Variants in SIPA1 observed in about 807,000 individuals in gnomAD.
SIPA1 encodes signal-induced proliferation-associated protein 1.
In SIPA1, 51 loss-of-function variants were observed where a neutral mutation model predicts 88.1. The observed-to-expected ratio is 0.58, with a 90% CI of 0.46 to 0.73. The LOEUF (loss-of-function observed/expected upper bound fraction) is 0.73. Among genes scored for constraint, SIPA1 ranks in the 30% least tolerant of loss-of-function variants. The pLI is 0.00. For missense variants in SIPA1, 1,348 were observed against 1,467.6 expected (o/e 0.92, Z 1.33); for synonymous variants, 681 against 664.8 (o/e 1.02, Z -0.37).
rs201432620 is a variant in SIPA1, at chr11:65,650,242, C to G, written c.2903+50C>G. On this transcript the variant is annotated intron_variant, in intron 14 of 15. Transcript: ENST00000534313. ...CGCTTTACCTGCCCACATGACCCCC[C>G]CTTCGTGCCTGTCTGCTGGGGTGGA... 409 of 1,591,824 alleles carry G rather than the reference C, an allele frequency of 2.6e-4. 4 individuals carry two copies. Among genetic ancestry groups the G allele is most frequent in the South Asian group, 2.5e-3 (229 of 90,426 alleles).
intron 1 of SIPA1, among the ~76,000 whole-genome samples, chr11:65,638,965 AGGCCC>A (rs1219718360): frequency 6.6e-6 from 1 of 152,220 alleles, no homozygotes; most frequent in Non-Finnish European, 1.5e-5. Context: ...ACTATAGCCC[AGGCCC>A]GAGCGCTGAA....
At position 65,646,283 on chromosome 11, in the gene SIPA1, C is replaced by G; in HGVS notation, c.1326C>G (p.Ser442Arg). 1 of 1,614,128 alleles carries G rather than the reference C, an allele frequency of 6.2e-7. No homozygotes were observed. The highest frequency in any genetic ancestry group is 8.5e-7 in the Non-Finnish European group (1 of 1,180,002). ...CCATCGTGTTCCAGGAGCCTGGCAGCAAGCCCTTCTGCCCCACCACCATCC... is the reference window on the plus strand; with the variant it reads ...CCATCGTGTTCCAGGAGCCTGGCAGGAAGCCCTTCTGCCCCACCACCATCC... ...IVTIVFQEPG[S>R]KPFCPTTIRS... Residue 442 changes from serine to arginine, a missense_variant, in exon 7 of 16, where the codon AGC (serine) becomes AGG (arginine). Transcript: ENST00000534313. The surrounding 1 kb of genome is among the most constrained non-coding windows in gnomAD (Gnocchi z 7.5).
chr11:65,645,867 C>A lies in SIPA1; in HGVS notation c.1173C>A (p.Gly391=). 6.2e-7 allele frequency: 1 copy of A among 1,610,510 alleles called. No homozygotes were observed. Residue 391 remains glycine, a synonymous_variant, in exon 6 of 16, where the codon GGC becomes GGA. Coordinates refer to ENST00000534313, the MANE Select transcript of SIPA1 (RefSeq NM_006747.4). ...AQLDTKTDST[G]THSLYTTYQD... Reference sequence around the variant, plus strand: ...TCCTGGCCACAGCGGATTCCACAGGCACGCACTCCCTCTACACCACATACC... The same window carrying A: ...TCCTGGCCACAGCGGATTCCACAGGAACGCACTCCCTCTACACCACATACC...
At chr11:65,643,318 C>T (rs761039851) in intron 4 of SIPA1, among the ~76,000 whole-genome samples, 1 of 152,260 alleles carries the variant, frequency 6.6e-6, no homozygotes, top group African/African-American at 2.4e-5. Context: ...ATTTCCCCCA[C>T]AGCCCCTGCT....
chr11:65,647,688 G>T, intron 9 of SIPA1, 30 bp downstream of exon 9: 1 of 1,321,012 alleles, frequency 7.6e-7, no homozygotes, highest in Non-Finnish European at 9.6e-7. Flanking sequence ...GGGGAGGTGG[G>T]AGGGCCGGCA....
chr11:65,640,208 GT>G (rs1452461810), intron 1 of SIPA1: 3 of 152,390 alleles, frequency 2.0e-5, no homozygotes, highest in African/African-American at 7.2e-5. Context: ...TGGGCCCACA[GT>G]TGGGGCTACT....
Position 65,647,406 on chromosome 11 carries a change from C to T in SIPA1, c.2054C>T (p.Thr685Ile). Residue 685 changes from threonine (T) to isoleucine (I), a missense_variant, in exon 9 of 16, where the codon ACC becomes ATC. Thr to Ile is a moderately conservative substitution (Grantham distance 89). Coordinates refer to ENST00000534313, the MANE Select transcript of SIPA1 (RefSeq NM_006747.4). Reference protein sequence around the residue: ...RLQLVSRGCETRELALPRDGQ... With the variant: ...RLQLVSRGCEIRELALPRDGQ... The stretch of plus-strand genomic sequence containing the variant: ...CAGCTGGTGAGCCGTGGCTGCGAGA[C>T]CCGCGAGCTGGCGCTGCCCCGCGAC... 1 of 1,463,854 alleles carries T rather than the reference C, an allele frequency of 6.8e-7. No individual in the cohort carries two copies. The highest frequency in any genetic ancestry group is 1.3e-5 in the South Asian group (1 of 77,784). 90.7% of individuals were successfully genotyped at this position (1,463,854 alleles called of 1,614,324 possible).
rs1249666552 is a variant in SIPA1 at position 65,641,307 on chromosome 11, C to T, written c.386C>T (p.Ala129Val). The T allele has an allele frequency of 6.2e-7, 1 of 1,613,652 alleles. No individual in the cohort carries two copies. Among genetic ancestry groups the T allele is most frequent in the South Asian group, 1.1e-5 (1 of 91,084 alleles). ...GTGCAAAGCCTGCTCTTTGATTGGG[C>T]TCCGAGGTCTCAGGGGATGGGGAGC... Reference protein sequence around the residue: ...YDVQSLLFDWAPRSQGMGSHS... With the variant: ...YDVQSLLFDWVPRSQGMGSHS... The change falls in exon 2 of 16, where the codon GCT (alanine) becomes GTT (valine). Residue 129 changes from alanine (A) to valine (V), a missense_variant. Physicochemically the swap from Ala to Val is moderately conservative, Grantham distance 64. Coordinates refer to ENST00000534313, the MANE Select transcript of SIPA1 (RefSeq NM_006747.4).
Position 65,650,621 on chromosome 11 carries a change from A to ACAAC in SIPA1, c.3037_3040dup (p.Arg1014GlnfsTer9). 1 of 1,578,874 alleles carries ACAAC rather than the reference A, an allele frequency of 6.3e-7. No homozygotes were observed. Among genetic ancestry groups the ACAAC allele is most frequent in the Non-Finnish European group, 8.6e-7 (1 of 1,162,140 alleles). On this transcript the variant is annotated frameshift_variant, in exon 16 of 16. Coordinates refer to ENST00000534313, the MANE Select transcript of SIPA1 (RefSeq NM_006747.4). LOFTEE classifies it high-confidence loss of function. ...GAGGAGGTGCGGAGCCTGAGACACA[A>ACAAC]CAACCGGCGGCTGCAGGCGGAGTCT...
intron 2 of SIPA1, 69 bp downstream of exon 2, chr11:65,641,669 A>G: frequency 7.4e-7 from 1 of 1,349,014 alleles, no homozygotes; most frequent in Non-Finnish European, 1.0e-6. Flanking sequence ...CCTGCAGTGC[A>G]CACAGTAGGG....
chr11:65,642,139 C>T lies in SIPA1; in HGVS notation c.680-111C>T. On this transcript the variant is annotated intron_variant, in intron 2 of 15. Transcript: ENST00000534313. This position sits in a 1 kb window ranked among gnomAD's most constrained non-coding sequence, Gnocchi z 6.5. ...GGGGCGGGACTTAGTCTAGGGTCAA[C>T]ATTTGGTGGTGAGATGAAGCCTAGG... is the stretch of plus-strand genomic sequence containing the variant. 1.4e-6 allele frequency: 2 copies of T among 1,415,550 alleles called. No homozygotes were observed. The highest frequency in any genetic ancestry group is 1.9e-6 in the Non-Finnish European group (2 of 1,049,008). 87.7% of individuals were successfully genotyped at this position (1,415,550 alleles called of 1,614,324 possible). A position where few individuals can be genotyped will look rare whatever the true frequency, so the allele number is the denominator to read the frequency against.
Position 65,649,341 on chromosome 11 carries a change from C to G in SIPA1, c.2386C>G (p.Gln796Glu). ...CCCAGATCCTGTGCAGGATGAGGTC[C>G]AGGGGGTGACCCTGCTGCCCACCAC... ...GAPDPVQDEV[Q>E]GVTLLPTTKQ... The change falls in exon 10 of 16, where the codon CAG becomes GAG. Residue 796 changes from glutamine (Q) to glutamate (E), a missense_variant. Physicochemically the swap from Gln to Glu is conservative, Grantham distance 29. Around this residue, in one of 4 missense-constraint regions of SIPA1, gnomAD observed 615 missense variants for 559.8 expected, o/e 1.10. Transcript: ENST00000534313. 6.4e-7 allele frequency: 1 copy of G among 1,561,282 alleles called. No homozygotes were observed. The highest frequency in any genetic ancestry group is 1.2e-5 in the South Asian group (1 of 85,108).
At chr11:65,650,503 G>GA in intron 15 of SIPA1, 24 bp downstream of exon 15, 1 of 1,613,896 alleles carries the variant, frequency 6.2e-7, no homozygotes, top group East Asian at 2.2e-5. Flanking sequence ...TGAGCTTGGG[G>GA]GGAGTCACAG....
In SIPA1 at chr11:65,641,110, C is replaced by G. The variant is rs1165257102; in HGVS notation, c.189C>G (p.Pro63=). 1.9e-6 allele frequency: 3 copies of G among 1,601,070 alleles called. No individual in the cohort carries two copies. The highest frequency in any genetic ancestry group is 1.1e-5 in the South Asian group (1 of 90,918). Residue 63 remains proline (P), a synonymous_variant, in exon 2 of 16, where the codon CCC becomes CCG. Transcript: ENST00000534313. ...SGSDAGEARP[P]TPASPRARAH... ...GCGATGCAGGCGAGGCCAGGCCCCC[C>G]ACGCCAGCCAGCCCCCGTGCCCGTG...
chr11:65,640,950 G>T lies in SIPA1; in HGVS notation c.29G>T (p.Ser10Ile). Residue 10 changes from serine (S) to isoleucine (I), a missense_variant, in exon 2 of 16, where the codon AGC becomes ATC. Transcript: ENST00000534313. ...CCCATGTGGGCCGGCGGTGTGGGGA[G>T]CCCTCGGCGGGGCATGGCCCCTGCG... Reference protein sequence around the residue: MPMWAGGVGSPRRGMAPAST... With the variant: MPMWAGGVGIPRRGMAPAST... 6.5e-7 allele frequency: 1 copy of T among 1,543,790 alleles called. No individual in the cohort carries two copies. Among genetic ancestry groups the T allele is most frequent in the Non-Finnish European group, 8.7e-7 (1 of 1,153,884 alleles).
chr11:65,642,383 C>T lies in SIPA1; in HGVS notation c.807+6C>T. 1.3e-6 allele frequency: 2 copies of T among 1,584,674 alleles called. No homozygotes were observed. The highest frequency in any genetic ancestry group is 1.7e-6 in the Non-Finnish European group (2 of 1,164,196). On this transcript the variant is annotated splice_donor_region_variant and intron_variant, in intron 3 of 15. Transcript: ENST00000534313. The surrounding 1 kb of genome is among the most constrained non-coding windows in gnomAD (Gnocchi z 6.5). ...TCATCGTGCGGACCACGCAGGTGGG[C>T]CGGGATCGCGGGATCAGGACGTGGG...
chr11:65,646,116 G>T lies in SIPA1; in HGVS notation c.1264-105G>T, dbSNP rs554721834. On this transcript the variant is annotated intron_variant, in intron 6 of 15. Transcript: ENST00000534313. The surrounding 1 kb of genome is among the most constrained non-coding windows in gnomAD (Gnocchi z 7.5). ...ACAGAAACACCCTAGGTCTTCACCA[G>T]GGGCAGTGGGGGAGCCATTGGTGCC... 7.1e-7 allele frequency: 1 copy of T among 1,409,628 alleles called. No homozygotes were observed. Among genetic ancestry groups the T allele is most frequent in the Non-Finnish European group, 9.8e-7 (1 of 1,016,760 alleles). The allele number at this position is 1,409,628 out of a possible 1,614,324, so 87.3% of individuals were successfully genotyped here. A position where few individuals can be genotyped will look rare whatever the true frequency, so the allele number is the denominator to read the frequency against.
rs1436202578 is a variant in SIPA1 at position 65,641,427 on chromosome 11, T to A, written c.506T>A (p.Leu169His). 6.2e-7 allele frequency: 1 copy of A among 1,612,624 alleles called. No individual in the cohort carries two copies. Among genetic ancestry groups the A allele is most frequent in the Non-Finnish European group, 8.5e-7 (1 of 1,179,928 alleles). Residue 169 changes from leucine to histidine, a missense_variant, in exon 2 of 16, where the codon CTC becomes CAC. Physicochemically the swap from Leu to His is moderately conservative, Grantham distance 99. Transcript: ENST00000534313. ...GGGGCACCTGGCTTTGTGTGTGAGCTCGGGGGTGAGGGTGAGCTAGGCCTG... is the reference window on the plus strand; with the variant it reads ...GGGGCACCTGGCTTTGTGTGTGAGCACGGGGGTGAGGGTGAGCTAGGCCTG... Reference protein sequence around the residue: ...LHGAPGFVCELGGEGELGLGG... With the variant: ...LHGAPGFVCEHGGEGELGLGG...
intron 1 of SIPA1, among the ~76,000 whole-genome samples, chr11:65,639,675 C>T (rs1410306512): frequency 6.6e-6 from 1 of 152,216 alleles, no homozygotes; most frequent in Non-Finnish European, 1.5e-5. Flanking sequence ...ACTGCCTACT[C>T]CATCCAGGGC....
Sources: gnomAD v4.1 joint callset for allele counts (sites outside exome capture counted in the v4.1 genomes callset) on GRCh38, gnomAD v4.1.1 for gene constraint, gnomAD v4.1.1 regional missense constraint, Gnocchi (gnomAD v3.1) non-coding constraint, MANE v1.5 for transcripts, NCBI Gene and HGNC (gene_info 2026-07-23, HGNC 2026-07-21) for gene names.